Variants in INTS6 observed in about 807,000 individuals in gnomAD.
INTS6 encodes integrator complex subunit 6.
A neutral mutation model predicts 104.9 loss-of-function variants in INTS6; 16 were observed. The observed-to-expected ratio is 0.15, with a 90% CI of 0.10 to 0.23. The LOEUF is 0.23. Ranked by LOEUF, INTS6 falls within the 10% of genes least tolerant of loss-of-function variation. The pLI, the probability that INTS6 is intolerant of heterozygous loss-of-function variation, is 1.00. For missense variants in INTS6, 584 were observed against 1,062.8 expected (o/e 0.55, Z 6.26); for synonymous variants, 324 against 358.7 (o/e 0.90, Z 1.09).
chr13:51,434,374 A>G (rs1957148565), intron 3 of INTS6, among the ~76,000 whole-genome samples: 3 of 152,298 alleles, frequency 2.0e-5, no homozygotes, highest in Middle Eastern at 3.4e-3. Context: ...AGATAAAATA[A>G]TAAGTTCTTT....
At position 51,420,584 on chromosome 13, in the gene INTS6, C is replaced by T. The variant is rs570779885; in HGVS notation, c.429+9710G>A. ...TTCTTCAACAGAATGCAATAAAATA[C>T]GAGCTACATAAATCCAAACTTGGTT... On this transcript the variant is annotated intron_variant, in intron 4 of 17. Transcript: ENST00000311234. Among the ~76,000 whole-genome samples, 27 of 151,950 alleles carry T rather than the reference C, an allele frequency of 1.8e-4. No homozygotes were observed. The East Asian group carries it at 3.3e-3, about 18-fold the overall frequency.
chr13:51,347,038 T>A, the INTS6 span: 1 of 1,583,098 alleles, frequency 6.3e-7, no homozygotes, highest in South Asian at 1.2e-5. Context: ...GGGGCCCCAG[T>A]GAGGGCCCTG....
chr13:51,410,418 A>G (rs1956662945), intron 4 of INTS6, among the ~76,000 whole-genome samples: 3 of 152,214 alleles, frequency 2.0e-5, no homozygotes, highest in Admixed American at 2.0e-4. Context: ...ACAGCCACAC[A>G]AAAACATGGC....
chr13:51,391,290 C>T (rs1036931528), intron 5 of INTS6, among the ~76,000 whole-genome samples: 2 of 152,048 alleles, frequency 1.3e-5, no homozygotes, highest in Non-Finnish European at 2.9e-5. Flanking sequence ...AGTATATAAA[C>T]TATGACAATT....
At chr13:51,395,277 A>C (rs1247042259) in intron 5 of INTS6, 23 bp downstream of exon 5, 1 of 1,578,162 alleles carries the variant, frequency 6.3e-7, no homozygotes, top group African/African-American at 1.4e-5. Context: ...AAGTTACCAA[A>C]TTACTGCCAG....
chr13:51,334,706 GC>G, the INTS6 span, among the ~76,000 whole-genome samples: 1 of 152,110 alleles, frequency 6.6e-6, no homozygotes, highest in Admixed American at 6.5e-5. Context: ...TTTTGGCCAG[GC>G]ATGGTGGCTC....
downstream of INTS6, among the ~76,000 whole-genome samples, chr13:51,360,607 CTG>C (rs1955558188): frequency 1.3e-5 from 2 of 152,060 alleles, no homozygotes; most frequent in African/African-American, 4.8e-5. Context: ...ATCTGTGAAA[CTG>C]TTAGCACATA....
At chr13:51,382,360 A>C (rs1956067643) in intron 9 of INTS6, among the ~76,000 whole-genome samples, 1 of 152,230 alleles carries the variant, frequency 6.6e-6, no homozygotes. Flanking sequence ...ACACACAAGG[A>C]AAATCTATGC....
At position 51,383,731 on chromosome 13, in the gene INTS6, G is replaced by C. The variant is rs1252340276; in HGVS notation, c.905C>G (p.Thr302Arg). Residue 302 changes from threonine (T) to arginine (R), a missense_variant, in exon 8 of 18, where the codon ACA (threonine) becomes AGA (arginine). Thr to Arg is a moderately conservative substitution (Grantham distance 71). Transcript: ENST00000311234. ...GGAAAACTTCACTACAGGATGAGATGTACGAGGTGGCTAAAGGGGAAAGTC... is the reference window on the plus strand; with the variant it reads ...GGAAAACTTCACTACAGGATGAGATCTACGAGGTGGCTAAAGGGGAAAGTC... Reference protein sequence around the residue: ...DQNSPTLPPRTSHPVVKFSCT... With the variant: ...DQNSPTLPPRRSHPVVKFSCT... 1 of 1,607,566 alleles carries C rather than the reference G, an allele frequency of 6.2e-7. No individual in the cohort carries two copies. Among genetic ancestry groups the C allele is most frequent in the Non-Finnish European group, 8.5e-7 (1 of 1,176,548 alleles).
intron 3 of INTS6, chr13:51,355,034 GC>G (rs1309488325): frequency 2.9e-6 from 4 of 1,392,526 alleles, no homozygotes; most frequent in African/African-American, 1.4e-5. Flanking sequence ...GTTTGTTTTT[GC>G]CTTTTAGGTT....
downstream of INTS6, among the ~76,000 whole-genome samples, chr13:51,359,810 A>G (rs1955535303): frequency 6.6e-6 from 1 of 152,114 alleles, no homozygotes. Flanking sequence ...TAACTTTGGC[A>G]CTGCATTTCA....
intron 4 of INTS6, among the ~76,000 whole-genome samples, chr13:51,401,777 T>C (rs1427240806): frequency 5.3e-5 from 8 of 152,138 alleles, no homozygotes; most frequent in African/African-American, 1.9e-4. Context: ...GGAGACAGAA[T>C]TCAAACCCAG....
intron 8 of INTS6, 44 bp downstream of exon 8, chr13:51,383,545 T>C (rs760876040): frequency 9.4e-6 from 15 of 1,604,194 alleles, no homozygotes; most frequent in Non-Finnish European, 1.3e-5. Context: ...TTTTAAGAAA[T>C]GCCTCATTTA....
intron 3 of INTS6, among the ~76,000 whole-genome samples, chr13:51,432,048 A>G (rs1957101313): frequency 6.6e-6 from 1 of 152,104 alleles, no homozygotes; most frequent in Non-Finnish European, 1.5e-5. Context: ...TCCCTAAAGT[A>G]GAATGCTTTT....
At chr13:51,356,024 G>A (rs1313023627) in intron 3 of INTS6, among the ~76,000 whole-genome samples, 5 of 152,140 alleles carry the variant, frequency 3.3e-5, no homozygotes, top group Non-Finnish European at 7.3e-5. Flanking sequence ...AGGAATCACA[G>A]GAAAATTGAG....
At chr13:51,350,819 CTCTGA>C (rs1451092289), downstream of INTS6, among the ~76,000 whole-genome samples, 1 of 152,140 alleles carries the variant, frequency 6.6e-6, no homozygotes, top group Non-Finnish European at 1.5e-5. Context: ...TCCCAGCAAC[CTCTGA>C]TCTATTTGCT....
the INTS6 span, among the ~76,000 whole-genome samples, chr13:51,336,456 C>T: frequency 4.6e-5 from 7 of 152,226 alleles, no homozygotes; most frequent in African/African-American, 1.7e-4. Context: ...CACCGCACTC[C>T]AGCCTCGGTG....
intron 5 of INTS6, 22 bp downstream of exon 5, chr13:51,395,277 AT>A: frequency 6.3e-7 from 1 of 1,578,162 alleles, no homozygotes; most frequent in Non-Finnish European, 8.6e-7. Context: ...AAGTTACCAA[AT>A]TACTGCCAGC....
intron 4 of INTS6, among the ~76,000 whole-genome samples, chr13:51,427,349 T>C (rs1957002966): frequency 6.6e-6 from 1 of 152,258 alleles, no homozygotes; most frequent in Non-Finnish European, 1.5e-5. Context: ...GCAAAATTGT[T>C]ATTCCCTAGT....
Sources: allele counts gnomAD v4.1 joint callset (sites outside exome capture counted in the v4.1 genomes callset), GRCh38; gene constraint gnomAD v4.1.1; transcripts MANE v1.5; gene names NCBI Gene and HGNC (gene_info 2026-07-23, HGNC 2026-07-21).